The following OTP variants were observed in gnomAD, a reference collection of about 807,000 sequenced individuals.
OTP encodes the protein orthopedia homeobox.
OTP carries 5 observed loss-of-function variants against 22.3 expected under a neutral mutation model. The ratio of observed to expected loss-of-function variants is 0.22; its 90% CI spans 0.12 to 0.47. The LOEUF (loss-of-function observed/expected upper bound fraction) is 0.47, where lower values mean the gene tolerates loss of function less well. Among genes scored for constraint, OTP ranks in the 20% least tolerant of loss-of-function variants. The pLI is 0.99. For missense variants in OTP, 428 were observed against 456.2 expected (o/e 0.94, Z 0.56); for synonymous variants, 229 against 210.6 (o/e 1.09, Z -0.76).
intron 2 of OTP, among the ~76,000 whole-genome samples, chr5:77,631,888 C>A (rs953055884): frequency 5.3e-5 from 8 of 152,124 alleles, no homozygotes; most frequent in African/African-American, 1.9e-4. Flanking sequence ...CAGGAACTTA[C>A]CAAGGGTCCC....
rs760181361 is a variant in OTP, at chr5:77,630,830, A to T, written c.448-36T>A. 15 of 1,493,184 alleles carry T rather than the reference A, an allele frequency of 1.0e-5. No individual in the cohort carries two copies. In the South Asian group the frequency reaches 2.0e-4, roughly 20 times the overall value. 92.5% of individuals were successfully genotyped at this position (1,493,184 alleles called of 1,614,324 possible). A position where few individuals can be genotyped will look rare whatever the true frequency, so the allele number is the denominator to read the frequency against. Reference sequence around the variant, plus strand: ...CGGGGCGGGAGACAGACAGGGAGCTATTAGCCGGCCCGGCGGCTGGGGAGT... The same window carrying T: ...CGGGGCGGGAGACAGACAGGGAGCTTTTAGCCGGCCCGGCGGCTGGGGAGT... On this transcript the variant is annotated intron_variant, in intron 2 of 2. Transcript: ENST00000306422.
At chr5:77,635,156 T>C (rs1210816340) in intron 2 of OTP, among the ~76,000 whole-genome samples, 1 of 152,176 alleles carries the variant, frequency 6.6e-6, no homozygotes, top group African/African-American at 2.4e-5. Flanking sequence ...GACACAGCAT[T>C]TTACCCTTTA....
chr5:77,637,427 T>A (rs1745027623), intron 1 of OTP, among the ~76,000 whole-genome samples, 197 bp from the exon 2 acceptor site: 2 of 152,210 alleles, frequency 1.3e-5, no homozygotes, highest in Admixed American at 1.3e-4. Context: ...CCCGGCCCCT[T>A]GCCCTCGCCG....
At chr5:77,635,032 A>G (rs1401926965) in intron 2 of OTP, among the ~76,000 whole-genome samples, 3 of 152,204 alleles carry the variant, frequency 2.0e-5, no homozygotes, top group Admixed American at 6.5e-5. Context: ...AAGACCTAAT[A>G]AAGTTTAATA....
chr5:77,630,244 C>T lies in OTP; in HGVS notation c.*20G>A. The T allele has an allele frequency of 1.3e-6, 2 of 1,483,714 alleles. No homozygotes were observed. Among genetic ancestry groups the T allele is most frequent in the Non-Finnish European group, 8.9e-7 (1 of 1,120,560 alleles). The allele number at this position is 1,483,714 out of a possible 1,614,324, so 91.9% of individuals were successfully genotyped here. On this transcript the variant is annotated 3_prime_UTR_variant, in exon 3 of 3. Coordinates refer to ENST00000306422, the MANE Select transcript of OTP (RefSeq NM_032109.3). ...CCCCGGGGCGGTGCTGGGGGCGGAG[C>T]GGGCCGGGGCGCGGCTGCATTAAGT...
chr5:77,630,514 G>T lies in OTP; in HGVS notation c.728C>A (p.Ala243Asp). 1 of 1,590,676 alleles carries T rather than the reference G, an allele frequency of 6.3e-7. No homozygotes were observed. Among genetic ancestry groups the T allele is most frequent in the Non-Finnish European group, 8.5e-7 (1 of 1,171,186 alleles). Residue 243 changes from alanine (A) to aspartate (D), a missense_variant, in exon 3 of 3, where the codon GCC (alanine) becomes GAC (aspartate). Coordinates refer to ENST00000306422, the MANE Select transcript of OTP (RefSeq NM_032109.3). ...AQSLSQCSLAAGPPPNSMGLS... is the reference protein window; with the variant it reads ...AQSLSQCSLADGPPPNSMGLS... ...GCCCATGGAGTTGGGCGGCGGACCG[G>T]CCGCCAGGCTGCACTGGGACAGCGA...
chr5:77,635,000 A>C (rs1051769069), intron 2 of OTP, among the ~76,000 whole-genome samples: 6 of 152,196 alleles, frequency 3.9e-5, no homozygotes, highest in African/African-American at 1.4e-4. Context: ...CTGTTAAAAG[A>C]ATAACTGTCA....
At position 77,638,431 on chromosome 5, in the gene OTP, G is replaced by T. The variant is rs187961621; in HGVS notation, c.37+82C>A. Reference sequence around the variant, plus strand: ...TTAAAGAAATTAGTCCATTTAGGTCGCATTAAGGTAAAATAAGGAACAAAT... The same window carrying T: ...TTAAAGAAATTAGTCCATTTAGGTCTCATTAAGGTAAAATAAGGAACAAAT... On this transcript the variant is annotated intron_variant, in intron 1 of 2. Coordinates refer to ENST00000306422, the MANE Select transcript of OTP (RefSeq NM_032109.3). The T allele has an allele frequency of 2.2e-4, 282 of 1,309,216 alleles. No individual in the cohort carries two copies. The African/African-American group carries it at 3.7e-3, about 17-fold the overall frequency. 81.1% of individuals were successfully genotyped at this position (1,309,216 alleles called of 1,614,324 possible). A position where few individuals can be genotyped will look rare whatever the true frequency, so the allele number is the denominator to read the frequency against.
chr5:77,637,290 T>TC (rs1313572816), intron 1 of OTP, 60 bp from the exon 2 acceptor site: 1 of 1,448,572 alleles, frequency 6.9e-7, no homozygotes, highest in Non-Finnish European at 9.1e-7. Flanking sequence ...GGGGCTGTCT[T>TC]CCCCGCGCAG....
Position 77,630,323 on chromosome 5 carries a change from TG to T in OTP, c.918del (p.Ser307AlafsTer10). 6.4e-7 allele frequency: 1 copy of T among 1,566,746 alleles called. No individual in the cohort carries two copies. On this transcript the variant is annotated frameshift_variant, in exon 3 of 3. Transcript: ENST00000306422. LOFTEE classifies it high-confidence loss of function. The stretch of plus-strand genomic sequence containing the variant: ...GCCTTGCGGCGGAGGGAGGCGATGC[TG>T]GTGCCCCGCCACACGTCGCTGCTGT... The part of the protein sequence containing the change: ...SPDSSDVWRG[T>X]SIASLRRKAL...
Position 77,630,211 on chromosome 5 carries a change from G to A in OTP, c.*53C>T. ...TCCGGGTGCGCGCCGGAAGGGCCTC[G>A]GGGCGGCCCCCGGGGCGGTGCTGGG... is the stretch of plus-strand genomic sequence containing the variant. On this transcript the variant is annotated 3_prime_UTR_variant, in exon 3 of 3. Transcript: ENST00000306422. 2 of 1,291,384 alleles carry A rather than the reference G, an allele frequency of 1.5e-6. No homozygotes were observed. Among genetic ancestry groups the A allele is most frequent in the Non-Finnish European group, 2.0e-6 (2 of 1,001,918 alleles). The allele number at this position is 1,291,384 out of a possible 1,614,324, so 80.0% of individuals were successfully genotyped here. A position where few individuals can be genotyped will look rare whatever the true frequency, so the allele number is the denominator to read the frequency against.
At chr5:77,638,204 A>G (rs572837552) in intron 1 of OTP, among the ~76,000 whole-genome samples, 4 of 147,054 alleles carry the variant, frequency 2.7e-5, no homozygotes, top group Middle Eastern at 6.8e-3. Context: ...GAAAAAAGAG[A>G]GAGAAACACC....
rs751898472 is a variant in OTP, at chr5:77,636,928, C to A, written c.340G>T (p.Ala114Ser). 2.5e-6 allele frequency: 4 copies of A among 1,614,202 alleles called. No homozygotes were observed. The South Asian group carries it at 3.3e-5, about 13-fold the overall frequency. The part of the protein sequence containing the change: ...QKRHRTRFTP[A>S]QLNELERSFA... ...CTCCTCTCCAACTCGTTGAGCTGTG[C>A]GGGGGTGAAGCGCGTCCGGTGGCGC... The change falls in exon 2 of 3, where the codon GCA (alanine) becomes TCA (serine). Residue 114 changes from alanine (A) to serine (S), a missense_variant. Ala to Ser is a moderately conservative substitution (Grantham distance 99). Coordinates refer to ENST00000306422, the MANE Select transcript of OTP (RefSeq NM_032109.3).
Position 77,634,171 on chromosome 5 carries a change from G to A in OTP, c.447+2650C>T, listed in dbSNP as rs371952480. On this transcript the variant is annotated intron_variant, in intron 2 of 2. Transcript: ENST00000306422. ...TTTTTATGTAAATAAAATATTGAAA[G>A]TTAATTAATCCATGCTAGAGACTAA... Among the ~76,000 whole-genome samples, 5 of 152,314 alleles carry A rather than the reference G, an allele frequency of 3.3e-5. No homozygotes were observed. In the South Asian group the frequency reaches 1.0e-3, roughly 32 times the overall value.
chr5:77,635,913 AAAAAAAACAAAC>A (rs1187838118), intron 2 of OTP: 1 of 149,382 alleles, frequency 6.7e-6, no homozygotes, highest in African/African-American at 2.6e-5. Context: ...AAAAACAAAA[AAAAAAAACAAAC>A]AAAAATCTGG....
intron 2 of OTP, 134 bp from the exon 3 acceptor site, chr5:77,630,928 G>T: frequency 1.9e-6 from 2 of 1,027,724 alleles, no homozygotes; most frequent in Non-Finnish European, 2.7e-6. Flanking sequence ...CCGTAGGCCC[G>T]ACAAGCCCCC....
chr5:77,632,955 C>A (rs186027047), intron 2 of OTP, among the ~76,000 whole-genome samples: 5 of 152,220 alleles, frequency 3.3e-5, no homozygotes, highest in African/African-American at 1.2e-4. Context: ...AGCACCCACC[C>A]AAGGCTGGAC....
chr5:77,632,894 A>C (rs1033540792), intron 2 of OTP, among the ~76,000 whole-genome samples: 2 of 152,160 alleles, frequency 1.3e-5, no homozygotes, highest in Non-Finnish European at 2.9e-5. Context: ...AGCATCTCTC[A>C]GGAGGAAAGG....
In OTP at chr5:77,630,774, G is replaced by A. The variant is rs538838140; in HGVS notation, c.468C>T (p.Arg156=). 1,323 of 1,570,690 alleles carry A rather than the reference G, an allele frequency of 8.4e-4. 3 individuals carry two copies. Among genetic ancestry groups the A allele is most frequent in the Non-Finnish European group, 1.0e-3 (1,169 of 1,166,320 alleles). Residue 156 remains arginine, a synonymous_variant, in exon 3 of 3, where the codon CGC becomes CGT. Transcript: ENST00000306422. ...TCTTTTTGCGCTTCTTCCACTTGGC[G>A]CGTCGGTTCTGGAACCAGACCTGGA... ...SRVQVWFQNR[R]AKWKKRKKTT...
Sources: allele counts gnomAD v4.1 joint callset (sites outside exome capture counted in the v4.1 genomes callset), GRCh38; gene constraint gnomAD v4.1.1; transcripts MANE v1.5; gene names NCBI Gene and HGNC (gene_info 2026-07-23, HGNC 2026-07-21).